The following RBFOX1 variants were observed in gnomAD, a reference collection of about 807,000 sequenced individuals.
The protein encoded by RBFOX1 is RNA binding fox-1 homolog 1.
A neutral mutation model predicts 57.7 loss-of-function variants in RBFOX1; 8 were observed. The ratio of observed to expected loss-of-function variants is 0.14; its 90% CI spans 0.08 to 0.25. The LOEUF (loss-of-function observed/expected upper bound fraction) is 0.25. RBFOX1 is among the 10% of genes least tolerant of loss of function. The pLI, the probability that RBFOX1 is intolerant of heterozygous loss-of-function variation, is 1.00. For missense variants in RBFOX1, 611 were observed against 548.5 expected (o/e 1.11, Z -1.14); for synonymous variants, 326 against 222.4 (o/e 1.47, Z -4.15).
intron 1 of RBFOX1, among the ~76,000 whole-genome samples, chr16:5,364,058 G>A (rs767006040): frequency 3.3e-5 from 5 of 152,276 alleles, no homozygotes; most frequent in African/African-American, 9.6e-5. Flanking sequence ...GCGATTCCCC[G>A]ACGCTGGATA....
At chr16:6,075,580 T>C (rs545467959) in intron 1 of RBFOX1, among the ~76,000 whole-genome samples, 1 of 152,354 alleles carries the variant, frequency 6.6e-6, no homozygotes, top group East Asian at 1.9e-4. Flanking sequence ...AGAACAAAGA[T>C]GTAATTCTTG....
chr16:6,726,028 C>T (rs963185495), intron 3 of RBFOX1, among the ~76,000 whole-genome samples: 3 of 152,084 alleles, frequency 2.0e-5, no homozygotes, highest in Admixed American at 6.5e-5. Context: ...CTTTCTGTCT[C>T]GGCAAAGAGA....
intron 1 of RBFOX1, among the ~76,000 whole-genome samples, chr16:6,062,602 ATGT>A (rs2095702072): frequency 7.0e-6 from 1 of 143,670 alleles, no homozygotes; most frequent in African/African-American, 2.6e-5. Flanking sequence ...ATATGTATAT[ATGT>A]TACATAATAT....
At chr16:6,244,514 G>T (rs1413085954) in intron 1 of RBFOX1, among the ~76,000 whole-genome samples, 6 of 151,868 alleles carry the variant, frequency 4.0e-5, no homozygotes, top group African/African-American at 1.5e-4. Context: ...ATACTTTTTT[G>T]TTTTTTTGAG....
At chr16:6,585,630 A>C (rs983148968) in intron 2 of RBFOX1, among the ~76,000 whole-genome samples, 2 of 152,156 alleles carry the variant, frequency 1.3e-5, no homozygotes, top group Non-Finnish European at 2.9e-5. Context: ...GGTTAGATCA[A>C]TGACATAGAC....
chr16:6,846,412 C>T (rs959908545), intron 3 of RBFOX1, among the ~76,000 whole-genome samples: 6 of 152,142 alleles, frequency 3.9e-5, no homozygotes, highest in African/African-American at 1.4e-4. Context: ...CCAGTAAGAA[C>T]ATGGACAAGG....
intron 6 of RBFOX1, among the ~76,000 whole-genome samples, chr16:7,580,687 C>T (rs979331001): frequency 2.6e-5 from 4 of 152,054 alleles, no homozygotes; most frequent in South Asian, 4.1e-4. Flanking sequence ...ATTTTTTTCT[C>T]GAAGATATCT....
intron 5 of RBFOX1, among the ~76,000 whole-genome samples, chr16:7,571,110 A>G (rs1362333606): frequency 2.6e-5 from 4 of 152,184 alleles, no homozygotes; most frequent in African/African-American, 9.7e-5. Flanking sequence ...ATAAATAGCT[A>G]ATGCATGCGG....
chr16:6,165,352 C>A (rs980735240), intron 1 of RBFOX1, among the ~76,000 whole-genome samples: 2 of 152,028 alleles, frequency 1.3e-5, no homozygotes, highest in African/African-American at 2.4e-5. Context: ...GCCAAAACAA[C>A]CGTAAAGAAA....
intron 1 of RBFOX1, among the ~76,000 whole-genome samples, chr16:6,087,797 C>T (rs529467784): frequency 3.3e-5 from 5 of 152,092 alleles, no homozygotes; most frequent in South Asian, 2.1e-4. Context: ...GGGCTATAGG[C>T]GAGCACCACC....
intron 3 of RBFOX1, among the ~76,000 whole-genome samples, chr16:6,656,917 C>CCTTTA (rs2098659203): frequency 7.4e-6 from 1 of 134,314 alleles, no homozygotes; most frequent in Non-Finnish European, 1.5e-5. Context: ...CCTCTCCTCC[C>CCTTTA]CTCTCCTCTC....
intron 4 of RBFOX1, among the ~76,000 whole-genome samples, chr16:7,126,109 A>G (rs1600261650): frequency 6.6e-6 from 1 of 152,282 alleles, no homozygotes; most frequent in East Asian, 1.9e-4. Context: ...AAAAAATAAA[A>G]AAGTTTACAT....
chr16:6,811,511 G>C (rs1332518318), intron 3 of RBFOX1, among the ~76,000 whole-genome samples: 2 of 152,172 alleles, frequency 1.3e-5, no homozygotes, highest in Admixed American at 6.5e-5. Context: ...TGATTATGTA[G>C]CTAGTCCTCA....
intron 1 of RBFOX1, among the ~76,000 whole-genome samples, chr16:6,077,619 G>A (rs202169449): frequency 8.6e-5 from 13 of 152,010 alleles, no homozygotes; most frequent in Non-Finnish European, 1.8e-4. Flanking sequence ...CATGGTCTTC[G>A]GTAGGTCAAA....
chr16:6,148,767 G>A (rs942079645), intron 1 of RBFOX1, among the ~76,000 whole-genome samples: 8 of 152,192 alleles, frequency 5.3e-5, no homozygotes, highest in African/African-American at 1.9e-4. Flanking sequence ...GAGAAAGATT[G>A]CCTATCAATT....
intron 10 of RBFOX1, among the ~76,000 whole-genome samples, chr16:7,622,281 A>G (rs569977914): frequency 1.5e-4 from 23 of 152,344 alleles, no homozygotes; most frequent in Non-Finnish European, 2.9e-4. Flanking sequence ...TTAAATGGGT[A>G]TAAAAATAGT....
At chr16:6,358,326 T>C (rs942246802) in intron 2 of RBFOX1, among the ~76,000 whole-genome samples, 1 of 152,246 alleles carries the variant, frequency 6.6e-6, no homozygotes, top group African/African-American at 2.4e-5. Flanking sequence ...TATACTTTAA[T>C]ATGTTAAGTG....
intron 2 of RBFOX1, among the ~76,000 whole-genome samples, chr16:6,442,051 C>T (rs1481480508): frequency 6.6e-6 from 1 of 152,140 alleles, no homozygotes; most frequent in Non-Finnish European, 1.5e-5. Flanking sequence ...GCTTTTAATT[C>T]TTCCAAGCCC....
chr16:6,640,764 G>T (rs1013857378), intron 2 of RBFOX1, among the ~76,000 whole-genome samples: 2 of 152,108 alleles, frequency 1.3e-5, no homozygotes, highest in African/African-American at 4.8e-5. Context: ...ACAAGTTCCA[G>T]TTCTGGTTTT....
Sources: allele counts gnomAD v4.1 joint callset (sites outside exome capture counted in the v4.1 genomes callset), GRCh38; gene constraint gnomAD v4.1.1; transcripts MANE v1.5; gene names NCBI Gene and HGNC (gene_info 2026-07-23, HGNC 2026-07-21).